The following RTL4 variants were observed in gnomAD, a reference collection of about 807,000 sequenced individuals.
The protein encoded by RTL4 is retrotransposon Gag-like protein 4.
A neutral mutation model predicts 5.3 loss-of-function variants in RTL4; 4 were observed. The observed-to-expected ratio is 0.75, with a 90% CI of 0.37 to 1.72. The LOEUF (loss-of-function observed/expected upper bound fraction) is 1.72. Ranked by LOEUF, RTL4 falls within the 40% of genes most tolerant of loss-of-function variation. The pLI, the probability that RTL4 is intolerant of heterozygous loss-of-function variation, is 0.04. For missense variants in RTL4, 260 were observed against 227.1 expected (o/e 1.14, Z -0.93); for synonymous variants, 98 against 87.3 (o/e 1.12, Z -0.68).
chrX:112,213,555 A>G, the RTL4 span, among the ~76,000 whole-genome samples: 1 of 112,304 alleles, frequency 8.9e-6, no homozygotes, highest in Non-Finnish European at 1.9e-5. Context: ...TGTACCATTG[A>G]GTGTTTTGTT....
At chrX:112,347,453 C>T in the RTL4 span, among the ~76,000 whole-genome samples, 10 of 111,150 alleles carry the variant, frequency 9.0e-5, no homozygotes, top group East Asian at 2.3e-3. Context: ...AGAGAACGTA[C>T]GCAAAGATAG....
At chrX:112,429,285 C>T in the RTL4 span, among the ~76,000 whole-genome samples, 3 of 110,297 alleles carry the variant, frequency 2.7e-5, no homozygotes, top group African/African-American at 9.8e-5. Flanking sequence ...TATGAGATTC[C>T]CTTTTCTCTC....
chrX:112,303,548 A>G, the RTL4 span, among the ~76,000 whole-genome samples: 36 of 89,773 alleles, frequency 4.0e-4, no homozygotes, highest in South Asian at 3.8e-3. Context: ...ATAGATGGGA[A>G]TTGAACAATG....
At chrX:112,353,261 G>T in the RTL4 span, among the ~76,000 whole-genome samples, 2 of 111,495 alleles carry the variant, frequency 1.8e-5, no homozygotes, top group African/African-American at 6.5e-5. Flanking sequence ...CAACCATCGT[G>T]GAAGTCAGTG....
chrX:112,353,186 G>C, the RTL4 span, among the ~76,000 whole-genome samples: 1 of 111,743 alleles, frequency 8.9e-6, no homozygotes. Flanking sequence ...GGAAACAACA[G>C]GTGCTGGAGA....
the RTL4 span, among the ~76,000 whole-genome samples, chrX:112,415,252 A>G: frequency 0.046 from 5,087 of 111,188 alleles, 145 homozygotes; most frequent in Non-Finnish European, 0.074. Context: ...TTCTAATAGT[A>G]TATATTAGTT....
the RTL4 span, among the ~76,000 whole-genome samples, chrX:112,137,633 G>A: frequency 8.9e-6 from 1 of 111,851 alleles, no homozygotes; most frequent in Non-Finnish European, 1.9e-5. Context: ...CCCTCGACAT[G>A]TGGGGATTAC....
At chrX:112,244,077 C>T in the RTL4 span, among the ~76,000 whole-genome samples, 5 of 112,109 alleles carry the variant, frequency 4.5e-5, no homozygotes, top group African/African-American at 1.6e-4. Context: ...GTTGTGATTT[C>T]TGTTCTTTTA....
At chrX:112,101,138 A>T in the RTL4 span, among the ~76,000 whole-genome samples, 2 of 112,090 alleles carry the variant, frequency 1.8e-5, no homozygotes, top group African/African-American at 6.5e-5. Context: ...ACCACAAAGG[A>T]AACAATATAT....
chrX:112,260,677 G>C, the RTL4 span, among the ~76,000 whole-genome samples: 1 of 111,572 alleles, frequency 9.0e-6, no homozygotes, highest in Non-Finnish European at 1.9e-5. Flanking sequence ...TATCTGCAAG[G>C]CTCCAGAAAA....
the RTL4 span, among the ~76,000 whole-genome samples, chrX:112,421,225 T>C: frequency 2.3e-4 from 26 of 111,786 alleles, no homozygotes; most frequent in South Asian, 9.4e-3. Flanking sequence ...GTCAAGACTA[T>C]TGACACCTAT....
chrX:112,161,844 CCTTT>C, the RTL4 span, among the ~76,000 whole-genome samples: 56 of 40,071 alleles, frequency 1.4e-3, 3 homozygotes, highest in African/African-American at 5.0e-3. Context: ...TTCCTTCCTT[CCTTT>C]CTTTCTTTCT....
At chrX:112,266,864 T>A in the RTL4 span, among the ~76,000 whole-genome samples, 1 of 111,237 alleles carries the variant, frequency 9.0e-6, no homozygotes, top group Non-Finnish European at 1.9e-5. Flanking sequence ...TAAACACTTG[T>A]ATTTCTACCC....
the RTL4 span, among the ~76,000 whole-genome samples, chrX:112,085,131 C>T: frequency 4.3e-4 from 48 of 112,053 alleles, no homozygotes; most frequent in Non-Finnish European, 6.2e-4. Context: ...CTGGGTGGCT[C>T]ATCTTCTCTG....
chrX:112,084,590 A>G, the RTL4 span, among the ~76,000 whole-genome samples: 1 of 111,238 alleles, frequency 9.0e-6, no homozygotes, highest in Non-Finnish European at 1.9e-5. Context: ...CAGTCTCCCA[A>G]ACAAGGGAGG....
the RTL4 span, among the ~76,000 whole-genome samples, chrX:112,269,062 T>C: frequency 8.9e-6 from 1 of 112,192 alleles, no homozygotes; most frequent in Non-Finnish European, 1.9e-5. Context: ...AATATAACCA[T>C]GTTCTAACTA....
At chrX:112,454,924 G>A (rs1324832871) in exon 1 of RTL4, 1 of 1,208,139 alleles carries the variant, frequency 8.3e-7, no homozygotes, top group African/African-American at 1.8e-5. Flanking sequence ...CCAGTTTCAT[G>A]GTGACCCTGC....
the RTL4 span, among the ~76,000 whole-genome samples, chrX:112,353,739 C>T: frequency 5.5e-5 from 6 of 109,404 alleles, no homozygotes; most frequent in Non-Finnish European, 7.6e-5. Flanking sequence ...TGCTAAATGA[C>T]GAGTTAATGG....
At chrX:112,418,624 C>A in the RTL4 span, among the ~76,000 whole-genome samples, 1 of 110,428 alleles carries the variant, frequency 9.1e-6, no homozygotes, top group African/African-American at 3.3e-5. Flanking sequence ...ACTCAGCCAG[C>A]ACCCTGAATC....
Sources: gnomAD v4.1 joint callset for allele counts (sites outside exome capture counted in the v4.1 genomes callset) on GRCh38, gnomAD v4.1.1 for gene constraint, MANE v1.5 for transcripts, NCBI Gene and HGNC (gene_info 2026-07-23, HGNC 2026-07-21) for gene names.